HDAC9: variants seen among roughly 807,000 people sequenced by gnomAD.
HDAC9 encodes the protein MEF-2 interacting transcription repressor (MITR) protein.
HDAC9 carries 41 observed loss-of-function variants against 139.4 expected under a neutral mutation model. The ratio of observed to expected loss-of-function variants is 0.29; its 90% CI spans 0.23 to 0.38. HDAC9 has a LOEUF of 0.38. HDAC9 is among the 10% of genes least tolerant of loss of function. HDAC9 has a pLI of 1.00. For missense variants in HDAC9, 1,147 were observed against 1,297.0 expected, an observed-to-expected ratio of 0.88 and a Z score of 1.78; for synonymous variants, 517 against 476.2, an observed-to-expected ratio of 1.09 and a Z score of -1.12.
intron 1 of HDAC9, among the ~76,000 whole-genome samples, chr7:18,133,784 T>G (rs1280926746): frequency 6.6e-6 from 1 of 152,112 alleles, no homozygotes; most frequent in Non-Finnish European, 1.5e-5. Flanking sequence ...TGTCGCTTAC[T>G]CAGAGAAACA....
At position 18,125,483 on chromosome 7, in the gene HDAC9, G is replaced by A. The variant is rs142863885; in HGVS notation, c.-96-36746G>A. On this transcript the variant is annotated intron_variant, in intron 1 of 12. Coordinates refer to the HDAC9 transcript ENST00000417496. Reference sequence around the variant, plus strand: ...AAATGGAGCAACAAGATGAGGACTGGCTCATGATATATATGATTTGTTTCT... The same window carrying A: ...AAATGGAGCAACAAGATGAGGACTGACTCATGATATATATGATTTGTTTCT... Among the ~76,000 whole-genome samples, 8 of 151,972 alleles carry A rather than the reference G, an allele frequency of 5.3e-5. No homozygotes were observed. In the East Asian group the frequency reaches 1.4e-3, roughly 26 times the overall value.
At chr7:18,422,731 G>C (rs922363101) in intron 1 of HDAC9, among the ~76,000 whole-genome samples, 3 of 99,524 alleles carry the variant, frequency 3.0e-5, no homozygotes, top group Non-Finnish European at 4.0e-5. Flanking sequence ...TTAGCTTTAA[G>C]ACACACACAC....
intron 23 of HDAC9, among the ~76,000 whole-genome samples, chr7:18,952,235 G>T (rs1314421437): frequency 6.6e-6 from 1 of 151,848 alleles, no homozygotes; most frequent in Non-Finnish European, 1.5e-5. Flanking sequence ...ATTCTAAATT[G>T]GGGGTTTAGG....
chr7:18,512,522 A>C (rs1388589298), intron 2 of HDAC9, among the ~76,000 whole-genome samples: 1 of 152,204 alleles, frequency 6.6e-6, no homozygotes, highest in East Asian at 1.9e-4. Context: ...TAGGAAGACT[A>C]CATCTTTAAA....
chr7:18,282,980 T>TTTTTTTTTTTTTTTTTTTTTTTG (rs1179585272), intron 2 of HDAC9, among the ~76,000 whole-genome samples: 1 of 151,368 alleles, frequency 6.6e-6, no homozygotes, highest in African/African-American at 2.4e-5. Context: ...TTGAAATTTC[T>TTTTTTTTTTTTTTTTTTTTTTTG]ATCTCAATTT....
chr7:18,701,401 AAAAAACAAAACAAAC>A (rs1168828082), intron 12 of HDAC9, among the ~76,000 whole-genome samples: 2 of 125,156 alleles, frequency 1.6e-5, no homozygotes, highest in Admixed American at 7.8e-5. Context: ...CTGATTTAAA[AAAAAACAAAACAAAC>A]AAAAAAAAAA....
chr7:18,672,607 A>G (rs1436676875), intron 12 of HDAC9, among the ~76,000 whole-genome samples: 1 of 152,020 alleles, frequency 6.6e-6, no homozygotes, highest in Non-Finnish European at 1.5e-5. Context: ...TCTTGGTATC[A>G]TATTTTAAAA....
chr7:18,330,975 C>T (rs1168348567), intron 1 of HDAC9, among the ~76,000 whole-genome samples: 2 of 151,674 alleles, frequency 1.3e-5, no homozygotes, highest in Non-Finnish European at 3.0e-5. Flanking sequence ...GAGGATTACA[C>T]AGACATACAG....
At chr7:18,102,930 G>C (rs557066532) in intron 1 of HDAC9, among the ~76,000 whole-genome samples, 17 of 152,290 alleles carry the variant, frequency 1.1e-4, no homozygotes, top group African/African-American at 4.1e-4. Context: ...AGAGCAACAA[G>C]ATTTTTAAAG....
chr7:18,979,775 G>A (rs1354681096), intron 25 of HDAC9, among the ~76,000 whole-genome samples: 1 of 151,994 alleles, frequency 6.6e-6, no homozygotes, highest in Non-Finnish European at 1.5e-5. Flanking sequence ...GAGAGTGGAG[G>A]GGAAGGTGCC....
intron 3 of HDAC9, among the ~76,000 whole-genome samples, chr7:18,589,327 A>G (rs1053528561): frequency 1.3e-5 from 2 of 152,148 alleles, no homozygotes; most frequent in Non-Finnish European, 2.9e-5. Flanking sequence ...GGAGTTTGAG[A>G]CTAGCCTGGG....
intron 1 of HDAC9, among the ~76,000 whole-genome samples, chr7:18,466,767 G>A (rs773655086): frequency 3.9e-5 from 6 of 152,108 alleles, no homozygotes; most frequent in Non-Finnish European, 8.8e-5. Context: ...AGTAAGACTA[G>A]GGGGGTGAAA....
At chr7:18,236,753 G>C (rs938844607) in intron 2 of HDAC9, among the ~76,000 whole-genome samples, 2 of 152,110 alleles carry the variant, frequency 1.3e-5, no homozygotes, top group Non-Finnish European at 2.9e-5. Flanking sequence ...CTGTGGGGGT[G>C]GGGGCGACAA....
At chr7:18,180,256 CA>C (rs1789301181) in intron 2 of HDAC9, among the ~76,000 whole-genome samples, 1 of 150,956 alleles carries the variant, frequency 6.6e-6, no homozygotes, top group Non-Finnish European at 1.5e-5. Flanking sequence ...CACACACACA[CA>C]CACACACACA....
intron 22 of HDAC9, among the ~76,000 whole-genome samples, chr7:18,901,211 T>TAC (rs1256127418): frequency 4.0e-4 from 51 of 127,208 alleles, no homozygotes; most frequent in African/African-American, 1.6e-3. Flanking sequence ...TATATACATA[T>TAC]ATATATATAT....
chr7:18,732,955 G>GTATGTGTATATACACGTGTA (rs1562893851), intron 13 of HDAC9, among the ~76,000 whole-genome samples: 4 of 133,550 alleles, frequency 3.0e-5, no homozygotes, highest in South Asian at 2.3e-4. Flanking sequence ...ACACGTGTAT[G>GTATGTGTATATACACGTGTA]TGTGTGTATG....
At chr7:18,395,529 A>G (rs1292846661) in intron 1 of HDAC9, among the ~76,000 whole-genome samples, 2 of 98,078 alleles carry the variant, frequency 2.0e-5, no homozygotes, top group Non-Finnish European at 4.7e-5. Context: ...TAGTGACCTA[A>G]GGCTTCAAAA....
intron 2 of HDAC9, among the ~76,000 whole-genome samples, chr7:18,245,725 T>C (rs1223685180): frequency 6.6e-6 from 1 of 152,188 alleles, no homozygotes. Context: ...TTAAGTTAAA[T>C]TCTCAGGAGC....
intron 17 of HDAC9, among the ~76,000 whole-genome samples, chr7:18,808,515 A>G (rs564871263): frequency 4.0e-4 from 61 of 152,246 alleles, no homozygotes; most frequent in South Asian, 1.9e-3. Context: ...GTGTTTCAAC[A>G]TACTAACAAT....
Sources: gnomAD v4.1 joint callset for allele counts (sites outside exome capture counted in the v4.1 genomes callset) on GRCh38, gnomAD v4.1.1 for gene constraint, MANE v1.5 for transcripts, NCBI Gene and HGNC (gene_info 2026-07-23, HGNC 2026-07-21) for gene names.